The following GPC3 variants were observed in gnomAD, a reference collection of about 807,000 sequenced individuals.
The protein encoded by GPC3 is glypican 3.
GPC3 carries 3 observed loss-of-function variants against 34.4 expected under a neutral mutation model. The observed-to-expected ratio is 0.09, with a 90% confidence interval of 0.04 to 0.23. GPC3 has a LOEUF of 0.23. Ranked by LOEUF, GPC3 falls within the 10% of genes least tolerant of loss-of-function variation. GPC3 has a pLI of 1.00. For missense variants in GPC3, 351 were observed against 445.6 expected (o/e 0.79, Z 1.91); for synonymous variants, 177 against 174.0 (o/e 1.02, Z -0.13).
At chrX:133,585,860 C>T (rs761271783) in intron 7 of GPC3, among the ~76,000 whole-genome samples, 25 of 112,359 alleles carry the variant, frequency 2.2e-4, no homozygotes, top group African/African-American at 7.8e-4. Context: ...ACCACTTAGT[C>T]AAATTCATCT....
At chrX:133,701,602 T>C (rs1214746729) in intron 3 of GPC3, among the ~76,000 whole-genome samples, 1 of 111,591 alleles carries the variant, frequency 9.0e-6, no homozygotes, top group Non-Finnish European at 1.9e-5. Flanking sequence ...AGGAGAAGGG[T>C]TGTATGTTTG....
At chrX:133,808,274 T>C (rs1273329540) in intron 2 of GPC3, among the ~76,000 whole-genome samples, 1 of 112,022 alleles carries the variant, frequency 8.9e-6, no homozygotes, top group Non-Finnish European at 1.9e-5. Flanking sequence ...ATGAAAACCA[T>C]GCCCTTGAGA....
intron 2 of GPC3, among the ~76,000 whole-genome samples, chrX:133,812,606 C>G (rs1232830782): frequency 1.8e-5 from 2 of 112,102 alleles, no homozygotes; most frequent in Non-Finnish European, 3.8e-5. Flanking sequence ...GCCTGCCTGA[C>G]AGTTTAATCT....
intron 2 of GPC3, among the ~76,000 whole-genome samples, chrX:133,786,991 G>T (rs890639944): frequency 9.0e-6 from 1 of 111,594 alleles, no homozygotes; most frequent in Non-Finnish European, 1.9e-5. Context: ...ATTATCACAG[G>T]TCTCTGTGGG....
At chrX:133,550,134 G>A (rs1401608264) in intron 7 of GPC3, among the ~76,000 whole-genome samples, 1 of 109,694 alleles carries the variant, frequency 9.1e-6, no homozygotes, top group Non-Finnish European at 1.9e-5. Flanking sequence ...TCCTGCCTCA[G>A]CCTCCCAAGT....
chrX:133,873,906 T>C (rs1284227658), intron 2 of GPC3, among the ~76,000 whole-genome samples: 2 of 111,646 alleles, frequency 1.8e-5, no homozygotes, highest in East Asian at 2.8e-4. Context: ...AATGTGATGA[T>C]AAGATTTAAA....
intron 7 of GPC3, among the ~76,000 whole-genome samples, chrX:133,553,090 G>A (rs889689166): frequency 8.9e-6 from 1 of 111,886 alleles, no homozygotes; most frequent in Non-Finnish European, 1.9e-5. Context: ...GGCAAGAAAC[G>A]AACACTTTAA....
chrX:133,578,694 A>G lies in GPC3; in HGVS notation c.1573+17746T>C, dbSNP rs761103418. Among the ~76,000 whole-genome samples, 3 of 111,420 alleles carry G rather than the reference A, an allele frequency of 2.7e-5. No individual in the cohort carries two copies. In the East Asian group the frequency reaches 8.6e-4, roughly 32 times the overall value. Reference sequence around the variant, plus strand: ...ACCCTGTCTCAAAACAAAAAACAAAACAAAACAAAACAGAACAAAACACCA... The same window carrying G: ...ACCCTGTCTCAAAACAAAAAACAAAGCAAAACAAAACAGAACAAAACACCA... On this transcript the variant is annotated intron_variant, in intron 7 of 7. Coordinates refer to ENST00000370818, the MANE Select transcript of GPC3 (RefSeq NM_004484.4).
intron 2 of GPC3, among the ~76,000 whole-genome samples, chrX:133,862,584 G>A (rs1257602947): frequency 9.1e-6 from 1 of 109,494 alleles, no homozygotes; most frequent in East Asian, 2.9e-4. Flanking sequence ...CAGCTATTCG[G>A]CAGGCTGAGG....
At chrX:133,802,615 G>A (rs1296412653) in intron 2 of GPC3, among the ~76,000 whole-genome samples, 1 of 112,009 alleles carries the variant, frequency 8.9e-6, no homozygotes, top group Non-Finnish European at 1.9e-5. Flanking sequence ...CCTACCCTCC[G>A]TATCTCACAG....
chrX:133,714,230 CAGA>C (rs2071294853), intron 3 of GPC3, among the ~76,000 whole-genome samples: 1 of 111,327 alleles, frequency 9.0e-6, no homozygotes, highest in South Asian at 3.8e-4. Flanking sequence ...AGATTGAGTG[CAGA>C]AGAAGATACG....
chrX:133,560,012 T>G (rs938162317), intron 7 of GPC3, among the ~76,000 whole-genome samples: 2 of 111,645 alleles, frequency 1.8e-5, no homozygotes. Context: ...TGCTTTGGTC[T>G]TAGTCACTGA....
At chrX:133,923,227 C>A (rs1269446884) in intron 2 of GPC3, among the ~76,000 whole-genome samples, 1 of 111,405 alleles carries the variant, frequency 9.0e-6, no homozygotes, top group African/African-American at 3.3e-5. Flanking sequence ...CAAAATCGGA[C>A]CCATTTAGTC....
At chrX:133,728,277 C>T (rs1048117618) in intron 3 of GPC3, among the ~76,000 whole-genome samples, 1 of 111,417 alleles carries the variant, frequency 9.0e-6, no homozygotes, top group African/African-American at 3.3e-5. Flanking sequence ...CACCCTGTAG[C>T]AGGTTTTCCC....
chrX:133,976,563 G>A (rs1262035066), intron 1 of GPC3, among the ~76,000 whole-genome samples: 1 of 111,434 alleles, frequency 9.0e-6, no homozygotes, highest in Non-Finnish European at 1.9e-5. Context: ...CTTAGGTAAA[G>A]CTATAGTTAA....
chrX:133,880,375 A>G (rs1026556509), intron 2 of GPC3, among the ~76,000 whole-genome samples: 3 of 111,948 alleles, frequency 2.7e-5, no homozygotes, highest in Non-Finnish European at 5.6e-5. Context: ...AGAAATGTGA[A>G]CCTACCCTGG....
intron 2 of GPC3, among the ~76,000 whole-genome samples, chrX:133,951,890 T>A (rs969212867): frequency 1.1e-4 from 12 of 111,429 alleles, no homozygotes; most frequent in African/African-American, 3.9e-4. Flanking sequence ...TAAGCTATAA[T>A]CAACACACCT....
intron 2 of GPC3, among the ~76,000 whole-genome samples, chrX:133,880,278 A>G (rs760670998): frequency 8.9e-6 from 1 of 112,162 alleles, no homozygotes; most frequent in South Asian, 3.8e-4. Context: ...CTCAACCTCA[A>G]CAACATTCAC....
intron 2 of GPC3, among the ~76,000 whole-genome samples, chrX:133,901,129 T>A (rs985105850): frequency 7.2e-5 from 8 of 111,848 alleles, no homozygotes; most frequent in Admixed American, 5.7e-4. Context: ...AAAGAACCAT[T>A]TCTATAATAG....
Sources: allele counts gnomAD v4.1 joint callset (sites outside exome capture counted in the v4.1 genomes callset), GRCh38; gene constraint gnomAD v4.1.1; transcripts MANE v1.5; gene names NCBI Gene and HGNC (gene_info 2026-07-23, HGNC 2026-07-21).